Variants in LMBR1L observed in about 807,000 individuals in gnomAD.
LMBR1L encodes the protein protein LMBR1L.
Under a neutral mutation model 67.3 loss-of-function variants are expected in LMBR1L, and 47 were observed. That is an observed-to-expected ratio of 0.70 (90% CI 0.55 to 0.89). LMBR1L has a LOEUF of 0.89. Among genes scored for constraint, LMBR1L ranks in the 40% least tolerant of loss-of-function variants. The pLI is 0.00. For missense variants in LMBR1L, 533 were observed against 599.2 expected (o/e 0.89, Z 1.15); for synonymous variants, 247 against 250.3 (o/e 0.99, Z 0.13).
Position 49,103,146 on chromosome 12 carries a change from G to A in LMBR1L, c.576C>T (p.Tyr192=), listed in dbSNP as rs759991614. 7 of 1,613,708 alleles carry A rather than the reference G, an allele frequency of 4.3e-6. No individual in the cohort carries two copies. Among genetic ancestry groups the A allele is most frequent in the Middle Eastern group, 1.6e-4 (1 of 6,062 alleles). ...TGCATGAGTAGAGGTAGGGGAGATA[G>A]TACTCCCAAAAGTCTAAGGATAAAA... The part of the protein sequence containing the change: ...NRESLYDFWE[Y]YLPYLYSCIS... Residue 192 remains tyrosine, a synonymous_variant, in exon 7 of 17, where the codon TAC becomes TAT. Transcript: ENST00000267102.
chr12:49,103,843 T>A, intron 5 of LMBR1L, 30 bp from the exon 6 acceptor site: 1 of 1,595,574 alleles, frequency 6.3e-7, no homozygotes, highest in East Asian at 2.2e-5. Flanking sequence ...GTGAAGAAGG[T>A]TAACATCAGG....
intron 1 of LMBR1L, chr12:49,109,724 T>A: frequency 2.2e-6 from 1 of 456,510 alleles, no homozygotes; most frequent in Non-Finnish European, 4.4e-6. Context: ...TGGGTACCCC[T>A]ACCCCAGAAT....
intron 2 of LMBR1L, chr12:49,106,572 C>T: frequency 7.6e-7 from 1 of 1,316,076 alleles, no homozygotes; most frequent in Non-Finnish European, 1.0e-6. Context: ...AGGGAGGTCT[C>T]TGGTCCTGGC....
intron 5 of LMBR1L, chr12:49,104,192 C>T (rs1389187785): frequency 3.9e-6 from 2 of 510,672 alleles, no homozygotes; most frequent in East Asian, 3.3e-5. Flanking sequence ...ATGGTTTTGG[C>T]AGTGATTATG....
chr12:49,103,168 A>G lies in LMBR1L; in HGVS notation c.563-9T>C, dbSNP rs763718795. On this transcript the variant is annotated splice_polypyrimidine_tract_variant and intron_variant, in intron 6 of 16. Transcript: ENST00000267102. ...ATAGTACTCCCAAAAGTCTAAGGAT[A>G]AAAAAAAGAGGCATGTCAGCTCATC... 1.1e-5 allele frequency: 17 copies of G among 1,606,040 alleles called. No homozygotes were observed. Among genetic ancestry groups the G allele is most frequent in the Non-Finnish European group, 1.3e-5 (15 of 1,173,296 alleles).
chr12:49,102,811 G>C, intron 8 of LMBR1L, 76 bp downstream of exon 8: 1 of 1,345,980 alleles, frequency 7.4e-7, no homozygotes, highest in Non-Finnish European at 1.1e-6. Flanking sequence ...CACAACCATA[G>C]GGTTGTTTCA....
chr12:49,100,293 G>A (rs1939973522), intron 15 of LMBR1L, 95 bp downstream of exon 15: 3 of 963,580 alleles, frequency 3.1e-6, no homozygotes, highest in Non-Finnish European at 5.1e-6. Context: ...GGTTTGTTGT[G>A]GGAATTAGAG....
At chr12:49,098,266 C>T (rs1335571826) in intron 15 of LMBR1L, among the ~76,000 whole-genome samples, 161 bp from the exon 16 acceptor site, 1 of 152,198 alleles carries the variant, frequency 6.6e-6, no homozygotes, top group Admixed American at 6.5e-5. Flanking sequence ...CAGTTCGGGA[C>T]TGTTCTAAGT....
chr12:49,110,589 C>G lies in LMBR1L; in HGVS notation c.-34G>C. On this transcript the variant is annotated 5_prime_UTR_variant, in exon 1 of 17. Coordinates refer to ENST00000267102, the MANE Select transcript of LMBR1L (RefSeq NM_018113.4). Reference sequence around the variant, plus strand: ...CAGCATGACTGAAGCCGAGGTGCCTCTGGGCCCGGGGAGGACGAGCGGGGA... The same window carrying G: ...CAGCATGACTGAAGCCGAGGTGCCTGTGGGCCCGGGGAGGACGAGCGGGGA... 3 of 1,602,784 alleles carry G rather than the reference C, an allele frequency of 1.9e-6. No individual in the cohort carries two copies. The highest frequency in any genetic ancestry group is 2.6e-6 in the Non-Finnish European group (3 of 1,169,926).
rs757291862 is a variant in LMBR1L, at chr12:49,098,978, CT to C, written c.1241-874del. Among the ~76,000 whole-genome samples, 685 of 138,182 alleles carry C rather than the reference CT, an allele frequency of 5.0e-3. 3 individuals carry two copies. The highest frequency in any genetic ancestry group is 4.8e-3 in the East Asian group (23 of 4,830). The allele number at this position is 138,182 out of a possible 152,430, so 90.7% of individuals were successfully genotyped here. A position where few individuals can be genotyped will look rare whatever the true frequency, so the allele number is the denominator to read the frequency against. ...ACTATAGGTGTGCTAATTAAAAACA[CT>C]TTTTTTTTTTTTTTTGGTAGAGATG... On this transcript the variant is annotated intron_variant, in intron 15 of 16. Coordinates refer to ENST00000267102, the MANE Select transcript of LMBR1L (RefSeq NM_018113.4).
chr12:49,110,709 T>G lies in LMBR1L; in HGVS notation c.-154A>C. 1 of 651,434 alleles carries G rather than the reference T, an allele frequency of 1.5e-6. No individual in the cohort carries two copies. The highest frequency in any genetic ancestry group is 2.7e-6 in the Non-Finnish European group (1 of 364,926). 40.4% of individuals were successfully genotyped at this position (651,434 alleles called of 1,614,324 possible). ...GGGGCAGTCTGGGGCTCAGATACAG[T>G]CGTCCGGACGCCCCGCCCTTAAAGG... On this transcript the variant is annotated 5_prime_UTR_variant, in exon 1 of 17. Transcript: ENST00000267102.
intron 11 of LMBR1L, 158 bp downstream of exon 11, chr12:49,101,962 C>T: frequency 1.6e-6 from 1 of 638,152 alleles, no homozygotes; most frequent in Non-Finnish European, 2.7e-6. Flanking sequence ...ATGTGCTCAA[C>T]ATTTGTGCTC....
At chr12:49,106,914 G>A (rs775038935) in intron 2 of LMBR1L, 47 bp downstream of exon 2, 2 of 1,424,900 alleles carry the variant, frequency 1.4e-6, no homozygotes, top group Non-Finnish European at 2.0e-6. Context: ...CCTGAGGCTG[G>A]TCCATGGCAA....
chr12:49,105,899 T>G, intron 3 of LMBR1L, 25 bp downstream of exon 3: 1 of 1,605,430 alleles, frequency 6.2e-7, no homozygotes, highest in Admixed American at 1.7e-5. Flanking sequence ...CCACTGATGT[T>G]AGGTGCTGAG....
Position 49,097,846 on chromosome 12 carries a change from C to T in LMBR1L, c.1402+98G>A, listed in dbSNP as rs774628704. On this transcript the variant is annotated intron_variant, in intron 16 of 16. Transcript: ENST00000267102. ...TGGATGAGGTACGTTACCCACAAAG[C>T]AGGAAGCACACCCTCTCCCCTGCTG... 3.1e-4 allele frequency: 491 copies of T among 1,593,044 alleles called. 1 individual carries two copies. The highest frequency in any genetic ancestry group is 8.1e-4 in the Admixed American group (48 of 59,506).
At chr12:49,101,745 A>G (rs1940219174) in intron 11 of LMBR1L, 196 bp from the exon 12 acceptor site, 1 of 590,354 alleles carries the variant, frequency 1.7e-6, no homozygotes, top group Admixed American at 3.1e-5. Context: ...CATCTCCTCT[A>G]GATGGAAGGA....
At chr12:49,106,009 T>C (rs1167900058) in intron 2 of LMBR1L, 52 bp from the exon 3 acceptor site, 4 of 1,508,992 alleles carry the variant, frequency 2.7e-6, no homozygotes, top group Non-Finnish European at 3.7e-6. Context: ...AGGGGGCAGC[T>C]CTGAGGCCGT....
At chr12:49,106,214 C>T (rs112287357) in intron 2 of LMBR1L, 5,882 of 543,866 alleles carry the variant, frequency 0.011, 221 homozygotes, top group African/African-American at 0.088. Flanking sequence ...CTCCCTAGAT[C>T]TCTCCCATCA....
chr12:49,101,240 AGAAGGATACAAGATGAGTACAACCT>A lies in LMBR1L; in HGVS notation c.1067_1082+9del. On this transcript the variant is annotated splice_donor_variant and splice_donor_5th_base_variant and coding_sequence_variant and intron_variant, in exon 13 of 17. Transcript: ENST00000267102. LOFTEE classifies it high-confidence loss of function. ...TGAACAGAGGCAATGATGGGTTTCC[AGAAGGATACAAGATGAGTACAACCT>A]GAATGACGGCACCAAAGGAGCCCAG... 6.2e-7 allele frequency: 1 copy of A among 1,614,166 alleles called. No individual in the cohort carries two copies. The highest frequency in any genetic ancestry group is 8.5e-7 in the Non-Finnish European group (1 of 1,180,014).
Sources: gnomAD v4.1 joint callset for allele counts (sites outside exome capture counted in the v4.1 genomes callset) on GRCh38, gnomAD v4.1.1 for gene constraint, MANE v1.5 for transcripts, NCBI Gene and HGNC (gene_info 2026-07-23, HGNC 2026-07-21) for gene names.